TGM7: variants seen among roughly 807,000 people sequenced by gnomAD.
TGM7 encodes the protein transglutaminase 7, also known as protein-glutamine gamma-glutamyltransferase Z.
Under a neutral mutation model 79.5 loss-of-function variants are expected in TGM7, and 74 were observed. That is an observed-to-expected ratio of 0.93 (90% confidence interval 0.77 to 1.13). The LOEUF (loss-of-function observed/expected upper bound fraction) is 1.13, where lower values mean the gene tolerates loss of function less well. Among genes scored for constraint, TGM7 ranks in the 50% most tolerant of loss-of-function variants. The probability of loss-of-function intolerance (pLI) is 0.00; values close to 1 mark genes in which losing one functional copy is unlikely to be tolerated. For synonymous variants in TGM7, 354 were observed against 362.5 expected, an observed-to-expected ratio of 0.98 and a Z score of 0.27; for missense variants, 912 against 905.9, an observed-to-expected ratio of 1.01 and a Z score of -0.09.
intron 2 of TGM7, 80 bp from the exon 3 acceptor site, chr15:43,293,034 T>C (rs573802957): frequency 7.0e-5 from 109 of 1,547,210 alleles, no homozygotes; most frequent in Non-Finnish European, 9.1e-5. Context: ...GGAAGGACCG[T>C]CACCTTCTCC....
rs2042898822 is a variant in TGM7, at chr15:43,279,928, A to G, written c.1375T>C (p.Phe459Leu). The G allele has an allele frequency of 1.2e-6, 2 of 1,614,174 alleles. No individual in the cohort carries two copies. Among genetic ancestry groups the G allele is most frequent in the East Asian group, 4.5e-5 (2 of 44,888 alleles). Residue 459 changes from phenylalanine to leucine, a missense_variant, in exon 10 of 13, where the codon TTC becomes CTC. Phe to Leu is a conservative substitution (Grantham distance 22, BLOSUM62 0). Coordinates refer to ENST00000452443, the MANE Select transcript of TGM7 (RefSeq NM_052955.3). ...AGCATTTTCCGAGAAGCCTTCATGA[A>G]GACAGCTCTCTCCTCAGGGGATCCT... ...PEGSPEERAV[F>L]MKASRKMLGP...
At chr15:43,285,054 G>A (rs2042928478) in intron 6 of TGM7, 102 bp from the exon 7 acceptor site, 3 of 1,361,418 alleles carry the variant, frequency 2.2e-6, no homozygotes, top group Admixed American at 2.0e-5. Flanking sequence ...AGAAAGCCAA[G>A]ACGCTTACGG....
chr15:43,279,394 G>GAGAC (rs879730652), intron 10 of TGM7, 117 bp from the exon 11 acceptor site: 25 of 1,245,498 alleles, frequency 2.0e-5, no homozygotes, highest in Non-Finnish European at 2.5e-5. Flanking sequence ...GTGTGTGTGA[G>GAGAC]AGACAGACAG....
Position 43,281,956 on chromosome 15 carries a change from C to G in TGM7, c.1239G>C (p.Gln413His), listed in dbSNP as rs139992616. Residue 413 changes from glutamine to histidine, a missense_variant, in exon 9 of 13, where the codon CAG becomes CAC. By Grantham distance (24) the Gln-to-His change is conservative. Coordinates refer to ENST00000452443, the MANE Select transcript of TGM7 (RefSeq NM_052955.3). ...DEVIWLLGDG[Q>H]AQEILAHNTS... ...TGTTGTGGGCCAGGATTTCCTGGGC[C>G]TGGCCATCCCCAAGGAGCCAAATGA... 6.2e-7 allele frequency: 1 copy of G among 1,614,230 alleles called. No homozygotes were observed. Among genetic ancestry groups the G allele is most frequent in the Non-Finnish European group, 8.5e-7 (1 of 1,180,038 alleles).
At chr15:43,299,608 CTATCCAGTG>C (rs1375588104) in intron 1 of TGM7, among the ~76,000 whole-genome samples, 27 of 152,334 alleles carry the variant, frequency 1.8e-4, no homozygotes, top group Non-Finnish European at 3.5e-4. Context: ...AGGGCAAATT[CTATCCAGTG>C]CAGCTGGCAT....
chr15:43,280,007 G>T, intron 9 of TGM7, 56 bp from the exon 10 acceptor site: 2 of 1,535,458 alleles, frequency 1.3e-6, no homozygotes, highest in South Asian at 1.2e-5. Flanking sequence ...GAGGACCAGT[G>T]ACTTTCCTGG....
At position 43,282,051 on chromosome 15, in the gene TGM7, T is replaced by C; in HGVS notation, c.1144A>G (p.Ile382Val). ...FCCGPASVKA[I>V]REGDVHLAYD... ...GCCAGGTGGACATCCCCTTCCCTGATGGCCTTCACAGAGGCAGGGCCACAG... is the reference window on the plus strand; with the variant it reads ...GCCAGGTGGACATCCCCTTCCCTGACGGCCTTCACAGAGGCAGGGCCACAG... Residue 382 changes from isoleucine to valine, a missense_variant, in exon 9 of 13, where the codon ATC (isoleucine) becomes GTC (valine). Physicochemically the swap from Ile to Val is conservative, Grantham distance 29. Coordinates refer to ENST00000452443, the MANE Select transcript of TGM7 (RefSeq NM_052955.3). 1 of 1,614,018 alleles carries C rather than the reference T, an allele frequency of 6.2e-7. No homozygotes were observed. The highest frequency in any genetic ancestry group is 2.2e-5 in the East Asian group (1 of 44,888).
intron 3 of TGM7, 30 bp downstream of exon 3, chr15:43,292,679 T>A (rs1158375196): frequency 1.2e-6 from 2 of 1,611,780 alleles, no homozygotes; most frequent in Non-Finnish European, 8.5e-7. Flanking sequence ...ATGGATCAGG[T>A]TAGCAATACA....
rs549443563 is a variant in TGM7 at position 43,280,500 on chromosome 15, G to A, written c.1352-549C>T. Among the ~76,000 whole-genome samples the A allele has an allele frequency of 2.9e-4, 44 of 152,222 alleles. No individual in the cohort carries two copies. In the East Asian group the frequency reaches 5.8e-3, roughly 20 times the overall value. ...TAGCTGGGCATGGTGATGGGTGCCC[G>A]TAATCCCAGCTATTCAGGAGGGTGA... is the stretch of plus-strand genomic sequence containing the variant. On this transcript the variant is annotated intron_variant, in intron 9 of 12. Coordinates refer to ENST00000452443, the MANE Select transcript of TGM7 (RefSeq NM_052955.3).
At chr15:43,298,916 A>T (rs1233087303) in intron 1 of TGM7, among the ~76,000 whole-genome samples, 2 of 152,152 alleles carry the variant, frequency 1.3e-5, no homozygotes, top group Non-Finnish European at 2.9e-5. Context: ...TTACAATAGG[A>T]GTTGGCTACA....
intron 9 of TGM7, among the ~76,000 whole-genome samples, chr15:43,280,566 T>G (rs1444007504): frequency 6.6e-6 from 1 of 151,966 alleles, no homozygotes; most frequent in Non-Finnish European, 1.5e-5. Flanking sequence ...GAGGTTGCAG[T>G]GAGCCGAGAT....
chr15:43,287,243 GTTA>G, intron 6 of TGM7, 34 bp downstream of exon 6: 1 of 1,592,312 alleles, frequency 6.3e-7, no homozygotes, highest in South Asian at 1.1e-5. Flanking sequence ...TGATAATGAA[GTTA>G]ATCACACCCC....
chr15:43,290,825 C>A (rs1488050120), intron 4 of TGM7, among the ~76,000 whole-genome samples: 2 of 152,122 alleles, frequency 1.3e-5, no homozygotes, highest in Admixed American at 1.3e-4. Flanking sequence ...CTCTTTGAAG[C>A]AATTGTGAAT....
rs369738149 is a variant in TGM7, at chr15:43,276,444, G to A, written c.*11C>T. Reference sequence around the variant, plus strand: ...GCAGGGGTGCCAGGGAGGGCAGCTGGAGGGCGGGTCTCAGGGAGCCCCAGC... The same window carrying A: ...GCAGGGGTGCCAGGGAGGGCAGCTGAAGGGCGGGTCTCAGGGAGCCCCAGC... On this transcript the variant is annotated 3_prime_UTR_variant, in exon 13 of 13. Coordinates refer to ENST00000452443, the MANE Select transcript of TGM7 (RefSeq NM_052955.3). The A allele has an allele frequency of 1.9e-6, 3 of 1,608,600 alleles. No homozygotes were observed. The highest frequency in any genetic ancestry group is 3.3e-4 in the Middle Eastern group (2 of 6,020).
intron 6 of TGM7, among the ~76,000 whole-genome samples, chr15:43,286,300 A>G (rs1054684189): frequency 2.0e-5 from 3 of 152,146 alleles, no homozygotes; most frequent in African/African-American, 7.2e-5. Context: ...AGGCTTGGAA[A>G]TGGAGCAGGG....
chr15:43,286,851 T>C (rs2042937977), intron 6 of TGM7, among the ~76,000 whole-genome samples: 1 of 152,206 alleles, frequency 6.6e-6, no homozygotes, highest in Non-Finnish European at 1.5e-5. Flanking sequence ...TGATAACTGC[T>C]CAAGGATCTC....
chr15:43,294,715 C>T (rs918834686), intron 1 of TGM7, among the ~76,000 whole-genome samples: 16 of 152,146 alleles, frequency 1.1e-4, no homozygotes, highest in Non-Finnish European at 1.6e-4. Flanking sequence ...TGGTTCTCAA[C>T]GGGAAATTCC....
rs1292073252 is a variant in TGM7 at position 43,292,713 on chromosome 15, A to G, written c.435T>C (p.Ser145=). ...GTFILLFNPW[S]PEDDVYLPSE... ...CAAGCTGTGGGCACATCCTACCTGG[A>G]CTCCAAGGGTTAAAAAGTAGGATGA... The change falls in exon 3 of 13, where the codon AGT becomes AGC. Residue 145 remains serine (S), a synonymous_variant. Coordinates refer to ENST00000452443, the MANE Select transcript of TGM7 (RefSeq NM_052955.3). The G allele has an allele frequency of 3.1e-6, 5 of 1,613,858 alleles. No individual in the cohort carries two copies. In the Admixed American group the frequency reaches 8.3e-5, roughly 27 times the overall value.
Position 43,292,805 on chromosome 15 carries a change from G to A in TGM7, c.343C>T (p.His115Tyr). The change falls in exon 3 of 13, where the codon CAT (histidine) becomes TAT (tyrosine). Residue 115 changes from histidine (H) to tyrosine (Y), a missense_variant. Physicochemically the swap from His to Tyr is moderately conservative, Grantham distance 83. Transcript: ENST00000452443. ...GAGATCTCTATTTTCAGAGTGTAAT[G>A]GCCAATAACTGCATTGGCTGGTGTG... is the stretch of plus-strand genomic sequence containing the variant. ...LFTPANAVIG[H>Y]YTLKIEISQG... is the part of the protein sequence containing the mutation. 6.2e-7 allele frequency: 1 copy of A among 1,614,126 alleles called. No homozygotes were observed. The highest frequency in any genetic ancestry group is 1.3e-5 in the African/African-American group (1 of 75,036).
Sources: gnomAD v4.1 joint callset for allele counts (sites outside exome capture counted in the v4.1 genomes callset) on GRCh38, gnomAD v4.1.1 for gene constraint, MANE v1.5 for transcripts, NCBI Gene and HGNC (gene_info 2026-07-23, HGNC 2026-07-21) for gene names.